Variants in FNIP2 observed in about 807,000 individuals in gnomAD.
FNIP2 encodes folliculin interacting protein 2.
A neutral mutation model predicts 108.7 loss-of-function variants in FNIP2; 32 were observed. The ratio of observed to expected loss-of-function variants is 0.29; its 90% CI spans 0.22 to 0.40. The LOEUF is 0.40. Among genes scored for constraint, FNIP2 ranks in the 10% least tolerant of loss-of-function variants. The pLI, the probability that FNIP2 is intolerant of heterozygous loss-of-function variation, is 1.00. For synonymous variants in FNIP2, 480 were observed against 496.7 expected, an observed-to-expected ratio of 0.97 and a Z score of 0.45; for missense variants, 1,202 against 1,381.6, an observed-to-expected ratio of 0.87 and a Z score of 2.06.
chr4:158,830,514 G>A (rs564017468), intron 3 of FNIP2, among the ~76,000 whole-genome samples: 51 of 151,698 alleles, frequency 3.4e-4, no homozygotes, highest in Middle Eastern at 3.4e-3. Context: ...CACCCGCCTC[G>A]GCCTCCCAAA....
At chr4:158,825,833 A>C (rs949181486) in intron 1 of FNIP2, 83 bp from the exon 2 acceptor site, 8 of 1,512,258 alleles carry the variant, frequency 5.3e-6, no homozygotes, top group Middle Eastern at 1.8e-4. Context: ...GCACACAGGC[A>C]TGGTGACTGG....
At chr4:158,896,514 G>A (rs930213335) in intron 16 of FNIP2, among the ~76,000 whole-genome samples, 5 of 152,100 alleles carry the variant, frequency 3.3e-5, no homozygotes, top group African/African-American at 7.2e-5. Context: ...AACTGCCCCC[G>A]CTTATCCATG....
rs191572948 is a variant in FNIP2, at chr4:158,828,014, T to C, written c.235-1065T>C. Among the ~76,000 whole-genome samples the C allele has an allele frequency of 1.9e-3, 284 of 151,922 alleles. 8 individuals carry two copies. Among genetic ancestry groups the C allele is most frequent in the Admixed American group, 0.018 (280 of 15,222 alleles). On this transcript the variant is annotated intron_variant, in intron 2 of 16. Transcript: ENST00000264433. The stretch of plus-strand genomic sequence containing the variant: ...AAAAAAAGGCAAAGAAGACTCAGAA[T>C]AGAAATAACTTATCATAGAGGGTGC...
intron 14 of FNIP2, chr4:158,872,524 C>T (rs1781011178): frequency 2.0e-6 from 2 of 985,346 alleles, no homozygotes; most frequent in South Asian, 9.4e-5. Flanking sequence ...TATATTGTGT[C>T]AAATTGTGGG....
chr4:158,788,402 T>C (rs1026333736), intron 1 of FNIP2, among the ~76,000 whole-genome samples: 2 of 152,208 alleles, frequency 1.3e-5, no homozygotes, highest in African/African-American at 4.8e-5. Context: ...ACAAGACAAA[T>C]GTCTGAATAA....
At chr4:158,784,893 A>G (rs779461322) in intron 1 of FNIP2, among the ~76,000 whole-genome samples, 5 of 152,022 alleles carry the variant, frequency 3.3e-5, no homozygotes, top group Non-Finnish European at 7.4e-5. Context: ...GCTGTTTTTT[A>G]TTTATCCAAA....
intron 15 of FNIP2, chr4:158,893,402 G>T: frequency 3.4e-6 from 1 of 296,806 alleles, no homozygotes. Flanking sequence ...AATTATATTA[G>T]AGAATGAATG....
intron 7 of FNIP2, chr4:158,835,697 A>C: frequency 3.1e-6 from 1 of 321,620 alleles, no homozygotes; most frequent in South Asian, 4.4e-5. Flanking sequence ...AATTTATATG[A>C]GACTAATGTT....
At chr4:158,787,402 A>G (rs145365560) in intron 1 of FNIP2, among the ~76,000 whole-genome samples, 21 of 152,342 alleles carry the variant, frequency 1.4e-4, no homozygotes, top group African/African-American at 4.8e-4. Context: ...ATTTCAAAGT[A>G]TAAATGATAA....
At chr4:158,848,534 C>T (rs1411357933) in intron 7 of FNIP2, among the ~76,000 whole-genome samples, 1 of 152,142 alleles carries the variant, frequency 6.6e-6, no homozygotes, top group Non-Finnish European at 1.5e-5. Flanking sequence ...GTGAAGACTA[C>T]AATCAATACC....
intron 1 of FNIP2, among the ~76,000 whole-genome samples, chr4:158,773,035 C>T (rs932814443): frequency 6.6e-6 from 1 of 152,102 alleles, no homozygotes; most frequent in East Asian, 1.9e-4. Flanking sequence ...CCTCCGCTCC[C>T]ACTAATAAGT....
rs1381851531 is a variant in FNIP2, at chr4:158,859,201, T to C, written c.1002T>C (p.Phe334=). 1 of 1,612,830 alleles carries C rather than the reference T, an allele frequency of 6.2e-7. No homozygotes were observed. The highest frequency in any genetic ancestry group is 2.2e-5 in the East Asian group (1 of 44,884). ...AAAGGAATTTCCAGGACTTCTTCTT[T>C]TCTCATTTTCCCCTGTTTGAATCTC... ...EAQRNFQDFF[F]SHFPLFESHM... Residue 334 remains phenylalanine (F), a synonymous_variant, in exon 9 of 17, where the codon TTT becomes TTC. Coordinates refer to ENST00000264433, the MANE Select transcript of FNIP2 (RefSeq NM_020840.3).
At chr4:158,811,573 G>A (rs1210545860) in intron 1 of FNIP2, among the ~76,000 whole-genome samples, 1 of 138,592 alleles carries the variant, frequency 7.2e-6, no homozygotes, top group East Asian at 1.9e-4. Context: ...AATAATGATG[G>A]TAGATTGGAA....
intron 7 of FNIP2, among the ~76,000 whole-genome samples, chr4:158,849,719 A>T (rs1468838485): frequency 6.6e-6 from 1 of 151,702 alleles, no homozygotes; most frequent in Non-Finnish European, 1.5e-5. Context: ...TGAAATGTGG[A>T]TTTGGTTTTG....
chr4:158,875,171 C>T (rs1415433191), intron 14 of FNIP2, among the ~76,000 whole-genome samples: 1 of 151,796 alleles, frequency 6.6e-6, no homozygotes, highest in Non-Finnish European at 1.5e-5. Context: ...ATGGCCTTGT[C>T]AATCCCAGGG....
intron 1 of FNIP2, among the ~76,000 whole-genome samples, chr4:158,770,118 T>C (rs1256634018): frequency 1.3e-5 from 2 of 152,170 alleles, no homozygotes; most frequent in Non-Finnish European, 2.9e-5. Flanking sequence ...ACAGATAACT[T>C]AGGCGGCTTG....
At chr4:158,854,785 CTGTCT>C (rs1165241181) in intron 8 of FNIP2, among the ~76,000 whole-genome samples, 4 of 152,262 alleles carry the variant, frequency 2.6e-5, no homozygotes, top group Admixed American at 1.3e-4. Flanking sequence ...CCAGCAGGAC[CTGTCT>C]TGTCGGAATT....
chr4:158,862,694 A>G (rs768350941), intron 12 of FNIP2, among the ~76,000 whole-genome samples: 21 of 152,212 alleles, frequency 1.4e-4, no homozygotes, highest in Non-Finnish European at 3.1e-4. Flanking sequence ...TGGATATGCT[A>G]ATTGCCCTGA....
At chr4:158,781,051 GA>G (rs1776029710) in intron 1 of FNIP2, among the ~76,000 whole-genome samples, 1 of 137,966 alleles carries the variant, frequency 7.2e-6, no homozygotes, top group African/African-American at 2.6e-5. Context: ...AAAAAAAAAA[GA>G]AAAAAGAAAG....
Sources: allele counts gnomAD v4.1 joint callset (sites outside exome capture counted in the v4.1 genomes callset), GRCh38; gene constraint gnomAD v4.1.1; transcripts MANE v1.5; gene names NCBI Gene and HGNC (gene_info 2026-07-23, HGNC 2026-07-21).